Variants in RORA observed in about 807,000 individuals in gnomAD.
RORA encodes the protein nuclear receptor ROR-alpha.
RORA carries 7 observed loss-of-function variants against 69.5 expected under a neutral mutation model. The observed-to-expected ratio is 0.10, with a 90% CI of 0.06 to 0.19. The LOEUF is 0.19. RORA is among the 10% of genes least tolerant of loss of function. The pLI is 1.00. For synonymous variants in RORA, 261 were observed against 240.8 expected, an observed-to-expected ratio of 1.08 and a Z score of -0.78; for missense variants, 457 against 663.0, an observed-to-expected ratio of 0.69 and a Z score of 3.41.
At position 60,511,212 on chromosome 15, in the gene RORA, A is replaced by T. The variant is rs1484017630; in HGVS notation, c.820+14T>A. 3 of 1,602,784 alleles carry T rather than the reference A, an allele frequency of 1.9e-6. No individual in the cohort carries two copies. The highest frequency in any genetic ancestry group is 3.4e-5 in the Admixed American group (2 of 59,526). The stretch of plus-strand genomic sequence containing the variant: ...ATGAATAGAGCATCCCAGGAGAAGC[A>T]TGCATGCCATTACCTAATTCTGCCA... On this transcript the variant is annotated intron_variant, in intron 5 of 10. Transcript: ENST00000335670. The surrounding 1 kb of genome is among the most constrained non-coding windows in gnomAD (Gnocchi z 6.4).
intron 1 of RORA, among the ~76,000 whole-genome samples, chr15:60,945,233 C>A (rs568669734): frequency 6.6e-6 from 1 of 152,164 alleles, no homozygotes; most frequent in East Asian, 1.9e-4. Context: ...TGGGAAAGAA[C>A]AGGAACTCTC....
chr15:61,182,534 G>A (rs1407547936), intron 1 of RORA, among the ~76,000 whole-genome samples: 1 of 152,224 alleles, frequency 6.6e-6, no homozygotes, highest in Non-Finnish European at 1.5e-5. Flanking sequence ...ATGGAAGACA[G>A]AGCATCGCAT....
intron 1 of RORA, among the ~76,000 whole-genome samples, chr15:60,703,026 A>C (rs1002732769): frequency 6.6e-6 from 1 of 152,146 alleles, no homozygotes; most frequent in African/African-American, 2.4e-5. Flanking sequence ...TTAATTGCAA[A>C]GTAATTAAGT....
intron 2 of RORA, chr15:60,601,131 A>G (rs2068799427): frequency 6.6e-6 from 1 of 152,196 alleles, no homozygotes; most frequent in Non-Finnish European, 1.5e-5. Flanking sequence ...TTTTTCCTTC[A>G]ATTCAGCATT....
intron 7 of RORA, 107 bp downstream of exon 7, chr15:60,503,428 C>T (rs1183737939): frequency 1.4e-5 from 15 of 1,079,652 alleles, no homozygotes; most frequent in East Asian, 1.0e-4. Context: ...GAGCTATTAT[C>T]ATTGGAGAAA....
At chr15:61,188,856 G>A (rs1243225265) in intron 1 of RORA, among the ~76,000 whole-genome samples, 1 of 152,144 alleles carries the variant, frequency 6.6e-6, no homozygotes, top group African/African-American at 2.4e-5. Context: ...TAATGAAGTA[G>A]AACATCATCT....
chr15:60,957,163 G>T (rs1893291855), intron 1 of RORA, among the ~76,000 whole-genome samples: 1 of 152,188 alleles, frequency 6.6e-6, no homozygotes, highest in Admixed American at 6.5e-5. Flanking sequence ...GGAGACAGAC[G>T]GGTAGAATGA....
intron 1 of RORA, among the ~76,000 whole-genome samples, chr15:60,902,478 T>C (rs1013581994): frequency 6.6e-6 from 1 of 152,184 alleles, no homozygotes; most frequent in East Asian, 1.9e-4. Flanking sequence ...GCCCTAAGAA[T>C]GCTGCTTGCA....
At chr15:61,024,350 C>G (rs1389277308) in intron 1 of RORA, among the ~76,000 whole-genome samples, 1 of 129,710 alleles carries the variant, frequency 7.7e-6, no homozygotes, top group Non-Finnish European at 1.6e-5. Flanking sequence ...GTGGTTCAGT[C>G]ATAGTTCGGT....
At chr15:60,660,753 G>GA (rs56353538) in intron 2 of RORA, among the ~76,000 whole-genome samples, 31 of 150,784 alleles carry the variant, frequency 2.1e-4, no homozygotes, top group African/African-American at 6.8e-4. Context: ...CACACTGAAA[G>GA]AAAAAAAAAA....
chr15:61,181,753 TA>T (rs2079688648), intron 1 of RORA, among the ~76,000 whole-genome samples: 3 of 149,204 alleles, frequency 2.0e-5, no homozygotes, highest in Admixed American at 2.0e-4. Flanking sequence ...GGCCATATGG[TA>T]AGAATTAAGA....
chr15:60,890,711 A>G (rs146925726), intron 1 of RORA, among the ~76,000 whole-genome samples: 6 of 152,372 alleles, frequency 3.9e-5, no homozygotes, highest in African/African-American at 1.2e-4. Flanking sequence ...ATAATTTAGC[A>G]TATTTCTTTG....
chr15:61,081,188 T>C (rs2078533815), intron 1 of RORA, among the ~76,000 whole-genome samples: 1 of 152,196 alleles, frequency 6.6e-6, no homozygotes, highest in Non-Finnish European at 1.5e-5. Context: ...AGATGTTTTC[T>C]AAAGGCCTGA....
intron 2 of RORA, chr15:60,547,951 T>C (rs531713263): frequency 1.3e-5 from 2 of 152,332 alleles, no homozygotes; most frequent in East Asian, 1.9e-4. Flanking sequence ...ATAACATAAA[T>C]GACTTTGGGA....
intron 1 of RORA, among the ~76,000 whole-genome samples, chr15:60,845,036 A>AGTGT (rs3053882): frequency 6.0e-4 from 91 of 151,336 alleles, no homozygotes; most frequent in Admixed American, 1.1e-3. Flanking sequence ...CCAGTGTGTG[A>AGTGT]GTGTGTGTGT....
At chr15:60,955,071 A>G (rs1281298505) in intron 1 of RORA, among the ~76,000 whole-genome samples, 1 of 152,206 alleles carries the variant, frequency 6.6e-6, no homozygotes, top group African/African-American at 2.4e-5. Context: ...TGGGAGGCCG[A>G]GGTGGGTGGA....
chr15:60,691,549 A>G (rs1051582438), intron 1 of RORA, among the ~76,000 whole-genome samples: 2 of 152,196 alleles, frequency 1.3e-5, no homozygotes, highest in Non-Finnish European at 2.9e-5. Flanking sequence ...TGTAGAGAAG[A>G]CAAGAGGAGC....
chr15:60,723,211 A>G (rs1255562795), intron 1 of RORA, among the ~76,000 whole-genome samples: 2 of 152,240 alleles, frequency 1.3e-5, no homozygotes, highest in East Asian at 3.8e-4. Flanking sequence ...GCTAACCATT[A>G]TACATAAATA....
chr15:61,168,728 C>T (rs2079559640), intron 1 of RORA, among the ~76,000 whole-genome samples: 1 of 152,124 alleles, frequency 6.6e-6, no homozygotes, highest in African/African-American at 2.4e-5. Context: ...CAGGAGTCTG[C>T]TCAGTCTGGT....
Sources: allele counts gnomAD v4.1 joint callset (sites outside exome capture counted in the v4.1 genomes callset), GRCh38; gene constraint gnomAD v4.1.1; non-coding constraint Gnocchi (gnomAD v3.1); transcripts MANE v1.5; gene names NCBI Gene and HGNC (gene_info 2026-07-23, HGNC 2026-07-21).